CRK: variants seen among roughly 807,000 people sequenced by gnomAD.
CRK encodes adapter molecule crk.
Under a neutral mutation model 29.8 loss-of-function variants are expected in CRK, and 4 were observed. The observed-to-expected ratio is 0.13, with a 90% confidence interval of 0.07 to 0.31. CRK has a LOEUF of 0.31. Among genes scored for constraint, CRK ranks in the 10% least tolerant of loss-of-function variants. The pLI, the probability that CRK is intolerant of heterozygous loss-of-function variation, is 1.00. For missense variants in CRK, 274 were observed against 396.5 expected, an observed-to-expected ratio of 0.69 and a Z score of 2.62; for synonymous variants, 153 against 164.9, an observed-to-expected ratio of 0.93 and a Z score of 0.55.
intron 1 of CRK, among the ~76,000 whole-genome samples, chr17:1,437,854 C>T (rs1400219298): frequency 4.8e-5 from 7 of 144,840 alleles, no homozygotes; most frequent in Admixed American, 7.1e-5. Context: ...TTAGTAGAGA[C>T]GGGGTTTCAC....
intron 1 of CRK, among the ~76,000 whole-genome samples, chr17:1,443,101 C>T (rs1250567905): frequency 6.6e-6 from 1 of 151,680 alleles, no homozygotes; most frequent in Non-Finnish European, 1.5e-5. Flanking sequence ...GCCTCAGCTT[C>T]CCAAGTAACT....
intron 2 of CRK, among the ~76,000 whole-genome samples, chr17:1,423,919 G>C (rs955697763): frequency 6.6e-6 from 1 of 152,196 alleles, no homozygotes; most frequent in Non-Finnish European, 1.5e-5. Context: ...ATTAAAAAAG[G>C]AAAGTGATAA....
chr17:1,429,951 A>G (rs1458945324), intron 2 of CRK, among the ~76,000 whole-genome samples: 5 of 152,058 alleles, frequency 3.3e-5, no homozygotes, highest in Admixed American at 1.3e-4. Context: ...AAAACAACCA[A>G]AAACACGAAT....
chr17:1,430,797 G>T (rs545166159), intron 2 of CRK, among the ~76,000 whole-genome samples: 1 of 151,932 alleles, frequency 6.6e-6, no homozygotes, highest in Non-Finnish European at 1.5e-5. Context: ...GCCGGGCGCT[G>T]TGGCTCATGC....
In CRK at chr17:1,441,567, C is replaced by T. The variant is rs549075867; in HGVS notation, c.242-4412G>A. Among the ~76,000 whole-genome samples, 9 of 151,808 alleles carry T rather than the reference C, an allele frequency of 5.9e-5. No homozygotes were observed. In the South Asian group the frequency reaches 1.2e-3, roughly 21 times the overall value. ...AGTGCACTGGAGCCATCTTGGCTCACGGCAACCTCCACCTCCCGGGTTCAA... is the reference window on the plus strand; with the variant it reads ...AGTGCACTGGAGCCATCTTGGCTCATGGCAACCTCCACCTCCCGGGTTCAA... On this transcript the variant is annotated intron_variant, in intron 1 of 2. Coordinates refer to ENST00000300574, the MANE Select transcript of CRK (RefSeq NM_016823.4).
At chr17:1,440,115 C>G (rs376655965) in intron 1 of CRK, among the ~76,000 whole-genome samples, 1 of 151,408 alleles carries the variant, frequency 6.6e-6, no homozygotes, top group Non-Finnish European at 1.5e-5. Context: ...CTGGCTAACA[C>G]GGTGAAACCC....
chr17:1,439,658 G>A (rs1042050489), intron 1 of CRK, among the ~76,000 whole-genome samples: 36 of 151,784 alleles, frequency 2.4e-4, no homozygotes, highest in Non-Finnish European at 3.8e-4. Context: ...AGACCAACCC[G>A]GGCAACATGG....
intron 1 of CRK, among the ~76,000 whole-genome samples, chr17:1,441,528 G>A (rs2073934940): frequency 6.6e-6 from 1 of 151,306 alleles, no homozygotes; most frequent in Admixed American, 6.6e-5. Flanking sequence ...TCACATTCTT[G>A]TCACCCAGGC....
intron 2 of CRK, 104 bp from the exon 3 acceptor site, chr17:1,423,754 G>A (rs1466956564): frequency 8.4e-6 from 12 of 1,425,476 alleles, no homozygotes; most frequent in African/African-American, 1.4e-5. Flanking sequence ...ACTGCTCTAG[G>A]GATATTACAG....
chr17:1,441,851 C>G (rs562119650), intron 1 of CRK, among the ~76,000 whole-genome samples: 6 of 150,474 alleles, frequency 4.0e-5, no homozygotes, highest in Non-Finnish European at 5.9e-5. Context: ...ACTGCCCAGG[C>G]TGCGGTTTTG....
intron 2 of CRK, among the ~76,000 whole-genome samples, chr17:1,435,054 G>A (rs1182341466): frequency 6.6e-6 from 1 of 151,988 alleles, no homozygotes; most frequent in Admixed American, 6.6e-5. Flanking sequence ...CTTGTTCCAT[G>A]GCTTTTTTTC....
rs1464860834 is a variant in CRK, at chr17:1,442,624, T to G, written c.242-5469A>C. On this transcript the variant is annotated intron_variant, in intron 1 of 2. Coordinates refer to ENST00000300574, the MANE Select transcript of CRK (RefSeq NM_016823.4). ...AAAGGGTCTTTTTTTTTTTTTTTTT[T>G]GAAGACAGAGTCTTGCTCTGTCTCC... Among the ~76,000 whole-genome samples, 7 of 149,934 alleles carry G rather than the reference T, an allele frequency of 4.7e-5. No individual in the cohort carries two copies. The East Asian group carries it at 1.4e-3, about 29-fold the overall frequency.
intron 1 of CRK, among the ~76,000 whole-genome samples, chr17:1,441,844 G>T (rs1181052099): frequency 2.0e-5 from 3 of 150,928 alleles, no homozygotes; most frequent in Admixed American, 6.6e-5. Context: ...TTGCTTTACT[G>T]CCCAGGCTGC....
intron 1 of CRK, among the ~76,000 whole-genome samples, chr17:1,440,126 C>T (rs886295502): frequency 1.3e-5 from 2 of 151,508 alleles, no homozygotes; most frequent in Admixed American, 6.6e-5. Context: ...GGTGAAACCC[C>T]GTCTCTACTA....
chr17:1,430,033 A>G (rs562234636), intron 2 of CRK, among the ~76,000 whole-genome samples: 2 of 150,902 alleles, frequency 1.3e-5, no homozygotes, highest in Admixed American at 1.3e-4. Context: ...TGGCTATGCC[A>G]TAACTCAAAT....
In CRK at chr17:1,422,155, CTTTTTTTTTTCCTTTTTTTTTTTTT is replaced by C. The variant is rs2073732185; in HGVS notation, c.*1333_*1357del. On this transcript the variant is annotated 3_prime_UTR_variant, in exon 3 of 3. Transcript: ENST00000300574. ...CACAATTGGTTCAACATTTTTTTTTCTTTTTTTTTTCCTTTTTTTTTTTTTTGAGACTGAGTCTTGCCCTGTCGCT... is the reference window on the plus strand; with the variant it reads ...CACAATTGGTTCAACATTTTTTTTTCTGAGACTGAGTCTTGCCCTGTCGCT... 1 of 143,242 alleles carries C rather than the reference CTTTTTTTTTTCCTTTTTTTTTTTTT, an allele frequency of 7.0e-6. No individual in the cohort carries two copies. The highest frequency in any genetic ancestry group is 7.0e-5 in the Admixed American group (1 of 14,220). The allele number at this position is 143,242 out of a possible 1,614,324, so 8.9% of individuals were successfully genotyped here.
At chr17:1,438,261 C>T (rs1228921784) in intron 1 of CRK, among the ~76,000 whole-genome samples, 1 of 152,056 alleles carries the variant, frequency 6.6e-6, no homozygotes, top group Non-Finnish European at 1.5e-5. Context: ...TCCTGAGCAG[C>T]TGGGACTACA....
intron 2 of CRK, among the ~76,000 whole-genome samples, chr17:1,435,871 G>A (rs568478601): frequency 2.0e-5 from 3 of 151,854 alleles, no homozygotes; most frequent in Non-Finnish European, 2.9e-5. Context: ...AAGAAAGGAA[G>A]GGAGAGAGGG....
chr17:1,447,374 A>G (rs2073983468), intron 1 of CRK, among the ~76,000 whole-genome samples: 1 of 151,898 alleles, frequency 6.6e-6, no homozygotes, highest in Middle Eastern at 3.4e-3. Flanking sequence ...ATCAAAATCA[A>G]TGCAAGGAGA....
Sources: gnomAD v4.1 joint callset for allele counts (sites outside exome capture counted in the v4.1 genomes callset) on GRCh38, gnomAD v4.1.1 for gene constraint, MANE v1.5 for transcripts, NCBI Gene and HGNC (gene_info 2026-07-23, HGNC 2026-07-21) for gene names.